CUBN: variants seen among roughly 807,000 people sequenced by gnomAD.
CUBN encodes cubilin, also known as 460 kDa receptor.
A neutral mutation model predicts 405.3 loss-of-function variants in CUBN; 282 were observed. That is an observed-to-expected ratio of 0.70 (90% confidence interval 0.63 to 0.77). The LOEUF is 0.77. Among genes scored for constraint, CUBN ranks in the 30% least tolerant of loss-of-function variants. The pLI, the probability that CUBN is intolerant of heterozygous loss-of-function variation, is 0.00. For missense variants in CUBN, 4,514 were observed against 4,475.2 expected (o/e 1.01, Z -0.25); for synonymous variants, 1,684 against 1,617.0 (o/e 1.04, Z -0.99).
At chr10:16,968,676 G>C (rs930129548) in intron 31 of CUBN, among the ~76,000 whole-genome samples, 2 of 152,224 alleles carry the variant, frequency 1.3e-5, no homozygotes, top group African/African-American at 4.8e-5. Flanking sequence ...AGATCAATAA[G>C]AGCTTGCAGA....
intron 6 of CUBN, among the ~76,000 whole-genome samples, chr10:17,118,299 C>T (rs768456494): frequency 1.3e-5 from 2 of 152,186 alleles, no homozygotes; most frequent in Non-Finnish European, 2.9e-5. Context: ...TTTCCCAAAA[C>T]CACAAAATGA....
intron 28 of CUBN, 142 bp downstream of exon 28, chr10:17,019,691 T>G: frequency 2.1e-6 from 2 of 959,672 alleles, no homozygotes; most frequent in South Asian, 2.7e-5. Flanking sequence ...TATCTAAGTA[T>G]ATTTCTTAAA....
intron 54 of CUBN, among the ~76,000 whole-genome samples, chr10:16,891,919 A>C (rs887086359): frequency 2.6e-5 from 4 of 152,178 alleles, no homozygotes; most frequent in Non-Finnish European, 2.9e-5. Flanking sequence ...CTTTCTATCA[A>C]CAGACAACTA....
chr10:16,996,621 G>GTT (rs10630720), intron 28 of CUBN, among the ~76,000 whole-genome samples: 73,055 of 151,942 alleles, frequency 0.48, 19,339 homozygotes, highest in Non-Finnish European at 0.6. Flanking sequence ...GTATCTGTGT[G>GTT]TTTTTAATAA....
chr10:16,970,420 C>T (rs1843518307), intron 31 of CUBN, among the ~76,000 whole-genome samples: 1 of 152,130 alleles, frequency 6.6e-6, no homozygotes, highest in Admixed American at 6.5e-5. Context: ...ACTAAAAACA[C>T]AAAATATTAG....
At chr10:16,895,333 AT>A (rs1841149986) in intron 54 of CUBN, among the ~76,000 whole-genome samples, 1 of 147,830 alleles carries the variant, frequency 6.8e-6, no homozygotes, top group South Asian at 2.2e-4. Context: ...ACATATATAT[AT>A]TTATACACAC....
chr10:16,864,665 T>TC (rs1564392428), intron 59 of CUBN, among the ~76,000 whole-genome samples: 1 of 141,506 alleles, frequency 7.1e-6, no homozygotes, highest in East Asian at 1.9e-4. Context: ...TTCTTTTTTT[T>TC]TTTTTTTTTT....
At chr10:16,936,973 T>A (rs568472492) in intron 39 of CUBN, among the ~76,000 whole-genome samples, 1 of 152,218 alleles carries the variant, frequency 6.6e-6, no homozygotes, top group East Asian at 1.9e-4. Flanking sequence ...TACCTCTGCC[T>A]CCAAAAATGC....
chr10:16,886,891 C>T (rs571210614), intron 56 of CUBN, among the ~76,000 whole-genome samples: 1 of 152,200 alleles, frequency 6.6e-6, no homozygotes, highest in African/African-American at 2.4e-5. Context: ...TGGGTTCAAG[C>T]GATTCTCCTG....
At chr10:16,883,170 A>G (rs1840712569) in intron 56 of CUBN, among the ~76,000 whole-genome samples, 1 of 152,210 alleles carries the variant, frequency 6.6e-6, no homozygotes, top group South Asian at 2.1e-4. Context: ...GAGACCTATC[A>G]TCTGTCTTGT....
chr10:16,850,432 A>G (rs967506048), intron 60 of CUBN, among the ~76,000 whole-genome samples: 1 of 152,178 alleles, frequency 6.6e-6, no homozygotes, highest in African/African-American at 2.4e-5. Flanking sequence ...TAAAGTCATT[A>G]AAAATTGAAC....
chr10:17,105,693 T>C, intron 10 of CUBN, 118 bp from the exon 11 acceptor site: 1 of 699,254 alleles, frequency 1.4e-6, no homozygotes, highest in Non-Finnish European at 2.6e-6. Flanking sequence ...TCTGTGTATT[T>C]TGACGGGCAG....
At chr10:16,983,707 G>C (rs1042181392) in intron 30 of CUBN, among the ~76,000 whole-genome samples, 7 of 152,180 alleles carry the variant, frequency 4.6e-5, no homozygotes, top group African/African-American at 1.7e-4. Flanking sequence ...TGGGCAGAAA[G>C]TCACCATAGA....
At chr10:17,100,939 G>A (rs1425924350) in intron 13 of CUBN, among the ~76,000 whole-genome samples, 2 of 152,248 alleles carry the variant, frequency 1.3e-5, no homozygotes, top group Admixed American at 6.5e-5. Flanking sequence ...AAATGTGTCC[G>A]AATGGATTAG....
intron 27 of CUBN, among the ~76,000 whole-genome samples, chr10:17,022,625 C>T (rs1283621206): frequency 2.6e-5 from 4 of 152,186 alleles, no homozygotes; most frequent in African/African-American, 9.7e-5. Context: ...GGGCGAGAGG[C>T]CAACCTTGCA....
chr10:16,990,260 G>A (rs868826422), intron 29 of CUBN, 74 bp downstream of exon 29: 14 of 1,393,196 alleles, frequency 1.0e-5, no homozygotes, highest in Admixed American at 5.0e-5. Context: ...GAAAGAATTC[G>A]GAATCTTGGC....
At chr10:17,067,501 A>C (rs554659062) in intron 21 of CUBN, among the ~76,000 whole-genome samples, 1 of 152,284 alleles carries the variant, frequency 6.6e-6, no homozygotes, top group South Asian at 2.1e-4. Flanking sequence ...CAAACAGACT[A>C]TCAAGAGAGT....
intron 37 of CUBN, 54 bp from the exon 38 acceptor site, chr10:16,939,201 C>A: frequency 7.0e-7 from 1 of 1,432,606 alleles, no homozygotes; most frequent in Non-Finnish European, 9.8e-7. Flanking sequence ...GCTCTTTAAT[C>A]AAATGAAAAA....
chr10:17,075,073 C>CTTTTT (rs957929670), intron 17 of CUBN, among the ~76,000 whole-genome samples: 20 of 65,320 alleles, frequency 3.1e-4, no homozygotes, highest in East Asian at 4.5e-4. Context: ...TCTTTGTTTT[C>CTTTTT]TTTTTTTTTT....
Sources: gnomAD v4.1 joint callset for allele counts (sites outside exome capture counted in the v4.1 genomes callset) on GRCh38, gnomAD v4.1.1 for gene constraint, MANE v1.5 for transcripts, NCBI Gene and HGNC (gene_info 2026-07-23, HGNC 2026-07-21) for gene names.